The following MARK1 variants were observed in gnomAD, a reference collection of about 807,000 sequenced individuals.
MARK1 encodes the protein microtubule affinity regulating kinase 1, also known as serine/threonine-protein kinase MARK1.
Under a neutral mutation model 96.3 loss-of-function variants are expected in MARK1, and 40 were observed. That is an observed-to-expected ratio of 0.42 (90% CI 0.32 to 0.54). The LOEUF (loss-of-function observed/expected upper bound fraction) is 0.54. Among genes scored for constraint, MARK1 ranks in the 20% least tolerant of loss-of-function variants. The probability of loss-of-function intolerance (pLI) is 0.16; values close to 1 mark genes in which losing one functional copy is unlikely to be tolerated. For synonymous variants in MARK1, 317 were observed against 341.2 expected (o/e 0.93, Z 0.78); for missense variants, 719 against 984.6 (o/e 0.73, Z 3.61).
intron 1 of MARK1, among the ~76,000 whole-genome samples, chr1:220,555,546 A>T (rs1240469474): frequency 1.3e-5 from 2 of 152,196 alleles, no homozygotes; most frequent in Non-Finnish European, 2.9e-5. Context: ...GCCTTTGCTT[A>T]TGGGACTTGA....
intron 3 of MARK1, among the ~76,000 whole-genome samples, chr1:220,586,020 T>TGCGCGC (rs1553323044): frequency 6.8e-6 from 1 of 146,798 alleles, no homozygotes. Flanking sequence ...CACGCGCGCG[T>TGCGCGC]GCGCAGAGAG....
chr1:220,560,174 GC>G (rs35728760), intron 1 of MARK1, among the ~76,000 whole-genome samples: 2 of 152,028 alleles, frequency 1.3e-5, no homozygotes, highest in Admixed American at 6.6e-5. Context: ...GGGGGAAACT[GC>G]CCCCCCATGA....
intron 12 of MARK1, 24 bp downstream of exon 12, chr1:220,635,553 G>T: frequency 6.3e-7 from 1 of 1,599,276 alleles, no homozygotes. Flanking sequence ...TCACATAAGT[G>T]AAGCAACACA....
At chr1:220,652,281 A>T in intron 15 of MARK1, 131 bp downstream of exon 15, 3 of 624,992 alleles carry the variant, frequency 4.8e-6, no homozygotes, top group Non-Finnish European at 7.4e-6. Context: ...ATGGAGGAAA[A>T]ATTGAATTGT....
At chr1:220,557,797 T>A (rs566482523) in intron 1 of MARK1, among the ~76,000 whole-genome samples, 1 of 152,124 alleles carries the variant, frequency 6.6e-6, no homozygotes, top group Non-Finnish European at 1.5e-5. Flanking sequence ...TTTTAGGGTG[T>A]TGGAAAAATC....
chr1:220,571,535 G>C (rs1663456587), intron 1 of MARK1, among the ~76,000 whole-genome samples: 1 of 152,026 alleles, frequency 6.6e-6, no homozygotes, highest in South Asian at 2.1e-4. Flanking sequence ...TGCCAAAACA[G>C]GGGAAAGAGG....
At chr1:220,633,960 C>T (rs1049478981) in intron 11 of MARK1, among the ~76,000 whole-genome samples, 1 of 152,122 alleles carries the variant, frequency 6.6e-6, no homozygotes, top group Non-Finnish European at 1.5e-5. Context: ...GAGGGGAACA[C>T]ATTGCACACA....
intron 3 of MARK1, among the ~76,000 whole-genome samples, chr1:220,588,783 G>A (rs1471984100): frequency 6.6e-6 from 1 of 152,098 alleles, no homozygotes. Context: ...GTCTAGACAA[G>A]GACCTAGCAG....
At chr1:220,628,610 A>G (rs1352237797) in intron 9 of MARK1, among the ~76,000 whole-genome samples, 1 of 152,002 alleles carries the variant, frequency 6.6e-6, no homozygotes, top group African/African-American at 2.4e-5. Flanking sequence ...ACCTTTAAAT[A>G]CTAGTGTTCC....
At chr1:220,639,599 A>C (rs1028654611) in intron 13 of MARK1, among the ~76,000 whole-genome samples, 1 of 152,164 alleles carries the variant, frequency 6.6e-6, no homozygotes, top group Non-Finnish European at 1.5e-5. Context: ...GTCTGGGTCT[A>C]TGTGACTTCT....
intron 3 of MARK1, among the ~76,000 whole-genome samples, chr1:220,587,327 CTT>C (rs1359045331): frequency 2.1e-4 from 16 of 74,476 alleles, no homozygotes; most frequent in African/African-American, 5.1e-4. Flanking sequence ...CTCTCTCTTT[CTT>C]TCTCTCTCTC....
chr1:220,634,635 C>T (rs913082715), intron 11 of MARK1, among the ~76,000 whole-genome samples: 5 of 152,232 alleles, frequency 3.3e-5, no homozygotes, highest in South Asian at 2.1e-4. Flanking sequence ...TTATTATCAT[C>T]GGTATTGCTC....
chr1:220,568,072 AAT>A (rs1663187747), intron 1 of MARK1, among the ~76,000 whole-genome samples: 1 of 152,156 alleles, frequency 6.6e-6, no homozygotes, highest in African/African-American at 2.4e-5. Context: ...TCAGTAATAT[AAT>A]AGATATGTTT....
chr1:220,635,556 G>A (rs1667912685), intron 12 of MARK1, 27 bp downstream of exon 12: 2 of 1,597,694 alleles, frequency 1.3e-6, no homozygotes, highest in Middle Eastern at 1.7e-4. Flanking sequence ...CATAAGTGAA[G>A]CAACACACGG....
At chr1:220,560,453 CTTAAA>C (rs1242967180) in intron 1 of MARK1, among the ~76,000 whole-genome samples, 2 of 152,198 alleles carry the variant, frequency 1.3e-5, no homozygotes, top group African/African-American at 2.4e-5. Flanking sequence ...CACCTTCTCA[CTTAAA>C]TTAAGTACAT....
intron 1 of MARK1, among the ~76,000 whole-genome samples, chr1:220,568,225 C>A (rs1663199369): frequency 6.6e-6 from 1 of 152,024 alleles, no homozygotes; most frequent in African/African-American, 2.4e-5. Context: ...AATAAACAAT[C>A]AATCAGTAAG....
At chr1:220,594,020 C>T (rs1201188535) in intron 3 of MARK1, among the ~76,000 whole-genome samples, 3 of 152,200 alleles carry the variant, frequency 2.0e-5, no homozygotes, top group Non-Finnish European at 4.4e-5. Flanking sequence ...TCCCTCTGCC[C>T]AGGACCTCCA....
intron 16 of MARK1, among the ~76,000 whole-genome samples, chr1:220,653,916 T>G (rs1361408301): frequency 6.6e-6 from 1 of 152,210 alleles, no homozygotes; most frequent in Non-Finnish European, 1.5e-5. Context: ...TAAGCATACT[T>G]ACTATGCTTA....
intron 3 of MARK1, among the ~76,000 whole-genome samples, chr1:220,589,605 A>T (rs530012485): frequency 3.4e-4 from 52 of 152,352 alleles, no homozygotes; most frequent in African/African-American, 1.2e-3. Flanking sequence ...TATAGAAGAC[A>T]TATCTCAGGC....
Sources: gnomAD v4.1 joint callset for allele counts (sites outside exome capture counted in the v4.1 genomes callset) on GRCh38, gnomAD v4.1.1 for gene constraint, MANE v1.5 for transcripts, NCBI Gene and HGNC (gene_info 2026-07-23, HGNC 2026-07-21) for gene names.